Variants in SIPA1L1 observed in about 807,000 individuals in gnomAD.
SIPA1L1 encodes the protein signal induced proliferation associated 1 like 1, also known as signal-induced proliferation-associated 1-like protein 1.
In SIPA1L1, 26 loss-of-function variants were observed where a neutral mutation model predicts 162.7. The ratio of observed to expected loss-of-function variants is 0.16; its 90% CI spans 0.12 to 0.22. The LOEUF (loss-of-function observed/expected upper bound fraction) is 0.22, where lower values mean the gene tolerates loss of function less well. Among genes scored for constraint, SIPA1L1 ranks in the 10% least tolerant of loss-of-function variants. The pLI, the probability that SIPA1L1 is intolerant of heterozygous loss-of-function variation, is 1.00. For missense variants in SIPA1L1, 1,874 were observed against 2,241.0 expected, an observed-to-expected ratio of 0.84 and a Z score of 3.31; for synonymous variants, 829 against 837.4, an observed-to-expected ratio of 0.99 and a Z score of 0.17.
chr14:71,344,415 AG>A (rs1443352208), intron 2 of SIPA1L1, among the ~76,000 whole-genome samples: 2 of 152,224 alleles, frequency 1.3e-5, no homozygotes, highest in Non-Finnish European at 2.9e-5. Context: ...AGGATCAATG[AG>A]TGAGAGCTTT....
chr14:71,501,850 G>A (rs531516854), intron 2 of SIPA1L1, among the ~76,000 whole-genome samples: 5 of 151,836 alleles, frequency 3.3e-5, no homozygotes, highest in African/African-American at 7.3e-5. Flanking sequence ...AAACCATGGC[G>A]AAACCCCGTC....
chr14:71,327,073 T>C (rs2033909203), intron 2 of SIPA1L1, among the ~76,000 whole-genome samples: 1 of 151,518 alleles, frequency 6.6e-6, no homozygotes. Context: ...CCAGAATTGA[T>C]TGAAATCTTT....
chr14:71,536,122 C>CA (rs937131931), intron 4 of SIPA1L1, among the ~76,000 whole-genome samples: 5,948 of 91,386 alleles, frequency 0.065, 321 homozygotes, highest in African/African-American at 0.19. Context: ...CAATAGCTTT[C>CA]AAAAAAAAAA....
At chr14:71,401,818 A>G (rs1041242815) in intron 2 of SIPA1L1, among the ~76,000 whole-genome samples, 1 of 152,082 alleles carries the variant, frequency 6.6e-6, no homozygotes, top group Non-Finnish European at 1.5e-5. Flanking sequence ...CTTATCACTC[A>G]TAAATATAAG....
intron 2 of SIPA1L1, among the ~76,000 whole-genome samples, chr14:71,463,885 A>T (rs2046791587): frequency 6.6e-6 from 1 of 152,216 alleles, no homozygotes; most frequent in Non-Finnish European, 1.5e-5. Context: ...TCTGATTGCC[A>T]CTTTGCCTCT....
intron 7 of SIPA1L1, 188 bp from the exon 8 acceptor site, chr14:71,650,147 A>G (rs2042502331): frequency 3.0e-6 from 2 of 663,956 alleles, no homozygotes; most frequent in African/African-American, 3.6e-5. Flanking sequence ...GCCTTTTCTC[A>G]GTTCATGAAG....
At position 71,391,150 on chromosome 14, in the gene SIPA1L1, A is replaced by G. The variant is rs566113829; in HGVS notation, c.-465+69969A>G. Among the ~76,000 whole-genome samples, 83 of 121,230 alleles carry G rather than the reference A, an allele frequency of 6.8e-4. 4 individuals are homozygous for G. In the South Asian group the frequency reaches 0.022, roughly 32 times the overall value. The allele number at this position is 121,230 out of a possible 152,430, so 79.5% of individuals were successfully genotyped here. A position where few individuals can be genotyped will look rare whatever the true frequency, so the allele number is the denominator to read the frequency against. On this transcript the variant is annotated intron_variant, in intron 2 of 23. Coordinates refer to ENST00000381232, the MANE Select transcript of SIPA1L1 (RefSeq NM_001386936.1). Reference sequence around the variant, plus strand: ...GAGACAGACTCTTGCTCTGTTGCCCAGGCTGGAGTGCAGTGGCCTGATCTT... The same window carrying G: ...GAGACAGACTCTTGCTCTGTTGCCCGGGCTGGAGTGCAGTGGCCTGATCTT...
chr14:71,544,195 A>G (rs981997459), intron 4 of SIPA1L1, among the ~76,000 whole-genome samples: 2 of 151,060 alleles, frequency 1.3e-5, no homozygotes, highest in East Asian at 1.9e-4. Flanking sequence ...ATATATACAT[A>G]TGCATGTATG....
At chr14:71,446,784 G>A (rs545345227) in intron 2 of SIPA1L1, among the ~76,000 whole-genome samples, 15 of 151,114 alleles carry the variant, frequency 9.9e-5, no homozygotes, top group African/African-American at 3.4e-4. Flanking sequence ...TTCTGAAACA[G>A]TAAGGGGTGA....
At chr14:71,473,611 A>G (rs1176587538) in intron 2 of SIPA1L1, among the ~76,000 whole-genome samples, 1 of 152,216 alleles carries the variant, frequency 6.6e-6, no homozygotes, top group Non-Finnish European at 1.5e-5. Context: ...TATATGTGGA[A>G]CTACTCATGG....
chr14:71,392,671 G>T (rs2040854353), intron 2 of SIPA1L1, among the ~76,000 whole-genome samples: 2 of 151,760 alleles, frequency 1.3e-5, no homozygotes, highest in Admixed American at 1.3e-4. Context: ...GGAACTACAG[G>T]CACCTGCCAC....
chr14:71,689,557 T>G (rs1312544143), intron 13 of SIPA1L1, among the ~76,000 whole-genome samples: 1 of 152,238 alleles, frequency 6.6e-6, no homozygotes, highest in Non-Finnish European at 1.5e-5. Context: ...AATAAAACCC[T>G]GATCTGTGTT....
intron 2 of SIPA1L1, among the ~76,000 whole-genome samples, chr14:71,325,271 AAAAC>A (rs1328432903): frequency 1.3e-5 from 2 of 152,234 alleles, no homozygotes; most frequent in African/African-American, 4.8e-5. Context: ...ATCAAAAACA[AAAAC>A]AAAACCCACA....
At chr14:71,735,185 C>A in intron 21 of SIPA1L1, 92 bp from the exon 22 acceptor site, 1 of 809,692 alleles carries the variant, frequency 1.2e-6, no homozygotes, top group Non-Finnish European at 2.2e-6. Context: ...AAATACTAGA[C>A]ATGACTGCCA....
intron 17 of SIPA1L1, among the ~76,000 whole-genome samples, chr14:71,723,198 A>G (rs1365288581): frequency 1.3e-5 from 2 of 152,228 alleles, no homozygotes; most frequent in African/African-American, 4.8e-5. Context: ...CTGAAGAGCC[A>G]TAGCCCTGCT....
At chr14:71,640,150 C>T (rs2041564009) in intron 7 of SIPA1L1, among the ~76,000 whole-genome samples, 1 of 152,108 alleles carries the variant, frequency 6.6e-6, no homozygotes, top group African/African-American at 2.4e-5. Context: ...GTGATCTGCC[C>T]ACCTCAGCCT....
intron 5 of SIPA1L1, among the ~76,000 whole-genome samples, chr14:71,606,247 A>C (rs1226096448): frequency 6.6e-6 from 1 of 152,152 alleles, no homozygotes; most frequent in Non-Finnish European, 1.5e-5. Flanking sequence ...ATGGCAGCCC[A>C]CAACAAAGGC....
chr14:71,708,742 A>G (rs957318409), intron 16 of SIPA1L1, among the ~76,000 whole-genome samples: 3 of 152,204 alleles, frequency 2.0e-5, no homozygotes, highest in Non-Finnish European at 4.4e-5. Flanking sequence ...ACCTCAAAGC[A>G]TGTCTTAGAA....
Position 71,567,036 on chromosome 14 carries a change from T to G in SIPA1L1, c.-302-20535T>G, listed in dbSNP as rs560480770. On this transcript the variant is annotated intron_variant, in intron 4 of 23. Transcript: ENST00000381232. ...TAAGTGGGTAAGATCAGTAAACAAA[T>G]TAAAATTCTCTAATTATCAGGGAAA... is the stretch of plus-strand genomic sequence containing the variant. Among the ~76,000 whole-genome samples, 4 of 152,238 alleles carry G rather than the reference T, an allele frequency of 2.6e-5. No individual in the cohort carries two copies. The East Asian group carries it at 7.7e-4, about 29-fold the overall frequency.
Sources: gnomAD v4.1 joint callset for allele counts (sites outside exome capture counted in the v4.1 genomes callset) on GRCh38, gnomAD v4.1.1 for gene constraint, MANE v1.5 for transcripts, NCBI Gene and HGNC (gene_info 2026-07-23, HGNC 2026-07-21) for gene names.